The following VRK2 variants were observed in gnomAD, a reference collection of about 807,000 sequenced individuals.
VRK2 encodes serine/threonine-protein kinase VRK2.
A neutral mutation model predicts 57.6 loss-of-function variants in VRK2; 60 were observed. That is an observed-to-expected ratio of 1.04 (90% CI 0.85 to 1.29). The LOEUF is 1.29. Among genes scored for constraint, VRK2 ranks in the 50% most tolerant of loss-of-function variants. The pLI is 0.00. For missense variants in VRK2, 705 were observed against 588.1 expected, an observed-to-expected ratio of 1.20 and a Z score of -2.06; for synonymous variants, 231 against 199.2, an observed-to-expected ratio of 1.16 and a Z score of -1.35.
At chr2:58,107,608 AG>A (rs1195671672) in intron 7 of VRK2, among the ~76,000 whole-genome samples, 2 of 152,206 alleles carry the variant, frequency 1.3e-5, no homozygotes, top group Non-Finnish European at 2.9e-5. Flanking sequence ...CTAAATTATA[AG>A]GTGGTATATT....
intron 12 of VRK2, chr2:58,147,307 C>CT (rs926698373): frequency 1.4e-5 from 6 of 414,250 alleles, no homozygotes; most frequent in Admixed American, 9.8e-5. Context: ...GACAGAAATG[C>CT]TTTTTTTAGT....
intron 3 of VRK2, among the ~76,000 whole-genome samples, chr2:58,034,075 C>T (rs1424529987): frequency 6.6e-6 from 1 of 152,020 alleles, no homozygotes; most frequent in African/African-American, 2.4e-5. Flanking sequence ...AACTACTTGC[C>T]ACCTCTCACT....
rs879349058 is a variant in VRK2, at chr2:58,051,349, T to TTC, written c.136+2382_136+2383insTC. On this transcript the variant is annotated intron_variant, in intron 2 of 12. Coordinates refer to ENST00000340157, the MANE Select transcript of VRK2 (RefSeq NM_006296.7). Reference sequence around the variant, plus strand: ...AAAAAGGCTCCAGTACTTCAGAATTTATAATAAAGATGTGTGTTCCAAATG... The same window carrying TTC: ...AAAAAGGCTCCAGTACTTCAGAATTTTCATAATAAAGATGTGTGTTCCAAATG... 4.2e-3 allele frequency among the ~76,000 whole-genome samples: 644 copies of TTC among 152,312 alleles called. 2 individuals are homozygous for TTC. The highest frequency in any genetic ancestry group is 7.0e-3 in the Non-Finnish European group (475 of 68,032).
At chr2:58,043,507 G>A (rs1572821868), upstream of VRK2, among the ~76,000 whole-genome samples, 1 of 152,062 alleles carries the variant, frequency 6.6e-6, no homozygotes, top group South Asian at 2.1e-4. Context: ...ATACTCCTTT[G>A]TGTCTTCTTT....
chr2:58,113,181 C>T (rs151097599), intron 7 of VRK2, among the ~76,000 whole-genome samples: 155 of 151,926 alleles, frequency 1.0e-3, no homozygotes, highest in Non-Finnish European at 1.3e-3. Context: ...TGGTGGCACA[C>T]GGCTGTAATC....
intron 2 of VRK2, among the ~76,000 whole-genome samples, chr2:58,080,823 T>G (rs1417389404): frequency 6.6e-6 from 1 of 151,974 alleles, no homozygotes; most frequent in Non-Finnish European, 1.5e-5. Context: ...TTAGTGTATT[T>G]AAGTTTATTA....
Position 57,945,613 on chromosome 2 carries a change from A to T in VRK2, c.-439+37774A>T, listed in dbSNP as rs556341724. The stretch of plus-strand genomic sequence containing the variant: ...ATGGTTTCAAAATAAATGAATATTT[A>T]AAAAAATGGCTTTTTAACTTTCTGC... On this transcript the variant is annotated intron_variant, in intron 1 of 15. Coordinates refer to the VRK2 transcript ENST00000417641. 4.0e-4 allele frequency among the ~76,000 whole-genome samples: 60 copies of T among 151,692 alleles called. No homozygotes were observed. The South Asian group carries it at 4.6e-3, about 12-fold the overall frequency.
At chr2:58,076,165 T>C (rs1357827594) in intron 2 of VRK2, among the ~76,000 whole-genome samples, 1 of 151,128 alleles carries the variant, frequency 6.6e-6, no homozygotes. Context: ...AGAGCTACAG[T>C]TGAGTGTTCC....
intron 1 of VRK2, among the ~76,000 whole-genome samples, chr2:57,910,143 C>T (rs1669942274): frequency 6.6e-6 from 1 of 151,890 alleles, no homozygotes; most frequent in Non-Finnish European, 1.5e-5. Context: ...CATGGGGGCC[C>T]CATCGTTGAT....
chr2:57,962,942 A>G (rs1342058147), intron 1 of VRK2, among the ~76,000 whole-genome samples: 1 of 152,214 alleles, frequency 6.6e-6, no homozygotes, highest in Non-Finnish European at 1.5e-5. Flanking sequence ...GGGATGAGGG[A>G]TAAGAGGCAG....
intron 1 of VRK2, among the ~76,000 whole-genome samples, chr2:57,935,298 C>A (rs1187859067): frequency 2.0e-5 from 3 of 152,122 alleles, no homozygotes; most frequent in African/African-American, 7.2e-5. Context: ...TTGTGCCATT[C>A]TACACCTATT....
intron 12 of VRK2, among the ~76,000 whole-genome samples, chr2:58,149,520 CT>C (rs1461071518): frequency 1.3e-5 from 2 of 151,468 alleles, no homozygotes; most frequent in African/African-American, 2.4e-5. Context: ...AATATATGCC[CT>C]TTATTTATTT....
At chr2:57,946,717 C>T (rs938251140) in intron 1 of VRK2, among the ~76,000 whole-genome samples, 3 of 152,188 alleles carry the variant, frequency 2.0e-5, no homozygotes, top group African/African-American at 7.2e-5. Flanking sequence ...CCAGATAATT[C>T]TAAATTATAT....
chr2:57,971,802 A>G (rs1015304224), intron 1 of VRK2, among the ~76,000 whole-genome samples: 1 of 151,946 alleles, frequency 6.6e-6, no homozygotes, highest in Non-Finnish European at 1.5e-5. Context: ...AAAATAAAAA[A>G]TACAGGAAAG....
intron 1 of VRK2, among the ~76,000 whole-genome samples, chr2:58,021,714 T>G (rs929511796): frequency 1.3e-5 from 2 of 152,188 alleles, no homozygotes; most frequent in African/African-American, 2.4e-5. Context: ...TTTCTTTATT[T>G]TTCTGTTATG....
intron 7 of VRK2, among the ~76,000 whole-genome samples, chr2:58,108,846 A>G (rs1305078994): frequency 6.6e-6 from 1 of 152,100 alleles, no homozygotes; most frequent in African/African-American, 2.4e-5. Flanking sequence ...GGTCAGATTG[A>G]TTTAGGTTCA....
In VRK2 at chr2:58,157,064, C is replaced by T. The variant is rs191040032; in HGVS notation, c.1183-2285C>T. On this transcript the variant is annotated intron_variant, in intron 12 of 12. Coordinates refer to ENST00000340157, the MANE Select transcript of VRK2 (RefSeq NM_006296.7). ...TCTGTTCAGGCTTTTTTGGCCTAGT[C>T]TGCAGTAAATCTTAAATTGTGGCCT... 7.2e-5 allele frequency among the ~76,000 whole-genome samples: 11 copies of T among 152,272 alleles called. No individual in the cohort carries two copies. The East Asian group carries it at 2.1e-3, about 29-fold the overall frequency.
intron 2 of VRK2, among the ~76,000 whole-genome samples, chr2:58,030,106 A>G (rs1674067687): frequency 6.6e-6 from 1 of 152,110 alleles, no homozygotes; most frequent in Non-Finnish European, 1.5e-5. Flanking sequence ...CTCTCCCATT[A>G]TAAAGCCGTT....
At chr2:58,008,522 A>T (rs1673322939) in intron 1 of VRK2, among the ~76,000 whole-genome samples, 1 of 152,002 alleles carries the variant, frequency 6.6e-6, no homozygotes, top group South Asian at 2.1e-4. Context: ...AACAAACGTG[A>T]AGGAAGGAAG....
Sources: allele counts gnomAD v4.1 joint callset (sites outside exome capture counted in the v4.1 genomes callset), GRCh38; gene constraint gnomAD v4.1.1; transcripts MANE v1.5; gene names NCBI Gene and HGNC (gene_info 2026-07-23, HGNC 2026-07-21).